Variants in SLC2A11 observed in about 807,000 individuals in gnomAD.
SLC2A11 encodes the protein solute carrier family 2 member 11, also known as solute carrier family 2, facilitated glucose transporter member 11.
Under a neutral mutation model 52.1 loss-of-function variants are expected in SLC2A11, and 43 were observed. That is an observed-to-expected ratio of 0.82 (90% CI 0.65 to 1.06). The LOEUF is 1.06. Ranked by LOEUF, SLC2A11 falls within the 50% of genes least tolerant of loss-of-function variation. The probability of loss-of-function intolerance (pLI) is 0.00; values close to 1 mark genes in which losing one functional copy is unlikely to be tolerated. For missense variants in SLC2A11, 582 were observed against 654.2 expected, an observed-to-expected ratio of 0.89 and a Z score of 1.20; for synonymous variants, 261 against 277.6, an observed-to-expected ratio of 0.94 and a Z score of 0.59.
chr22:23,877,987 G>A, intron 6 of SLC2A11, 118 bp downstream of exon 6: 1 of 1,268,070 alleles, frequency 7.9e-7, no homozygotes, highest in Non-Finnish European at 1.1e-6. Flanking sequence ...CCCTCTCTTT[G>A]TGCCTCAATT....
At chr22:23,857,838 T>TGCTCCTCTCAAACGCTCACTGC (rs1332004078), upstream of SLC2A11, 1 of 1,495,736 alleles carries the variant, frequency 6.7e-7, no homozygotes, top group East Asian at 2.5e-5. Context: ...TCGACGGGTT[T>TGCTCCTCTCAAACGCTCACTGC]GCTCCTCTCA....
chr22:23,869,721 T>C (rs1057167396), intron 3 of SLC2A11: 2 of 415,328 alleles, frequency 4.8e-6, no homozygotes, highest in Non-Finnish European at 8.5e-6. Context: ...CTGGATAATG[T>C]ATAAAGAACA....
chr22:23,857,825 G>A, upstream of SLC2A11: 2 of 1,476,126 alleles, frequency 1.4e-6, no homozygotes, highest in Non-Finnish European at 1.8e-6. Flanking sequence ...CTACAGCTTC[G>A]TCTCGACGGG....
intron 1 of SLC2A11, among the ~76,000 whole-genome samples, chr22:23,860,312 G>T (rs2032004303): frequency 6.6e-6 from 1 of 152,164 alleles, no homozygotes; most frequent in South Asian, 2.1e-4. Context: ...TACTTGGGGG[G>T]CTGAGGTGGG....
At position 23,885,194 on chromosome 22, in the gene SLC2A11, A is replaced by G; in HGVS notation, c.*345A>G. On this transcript the variant is annotated 3_prime_UTR_variant, in exon 12 of 12. Coordinates refer to ENST00000316185, the MANE Select transcript of SLC2A11 (RefSeq NM_001024939.4). The stretch of plus-strand genomic sequence containing the variant: ...TAGTGAGACCCCCTATCTCTACAAA[A>G]AATTTTAAACATTAGCTGGGCATGG... 2 of 432,730 alleles carry G rather than the reference A, an allele frequency of 4.6e-6. No homozygotes were observed. Among genetic ancestry groups the G allele is most frequent in the South Asian group, 1.2e-4 (2 of 16,424 alleles). The allele number at this position is 432,730 out of a possible 1,614,324, so 26.8% of individuals were successfully genotyped here.
intron 2 of SLC2A11, chr22:23,862,417 A>C: frequency 3.8e-6 from 2 of 526,550 alleles, no homozygotes; most frequent in Non-Finnish European, 6.8e-6. Flanking sequence ...TCAGCAGATG[A>C]CTCCATCTTC....
At chr22:23,871,460 C>T (rs2032453863) in intron 3 of SLC2A11, 1 of 150,118 alleles carries the variant, frequency 6.7e-6, no homozygotes, top group Admixed American at 6.7e-5. Flanking sequence ...CCATGCTAGA[C>T]CAGGAACGGT....
intron 3 of SLC2A11, chr22:23,869,938 C>T: frequency 1.4e-6 from 1 of 714,202 alleles, no homozygotes; most frequent in South Asian, 1.5e-5. Flanking sequence ...TAGTTCCCTC[C>T]AGCCCTTTTA....
At chr22:23,856,995 G>A (rs755247692), upstream of SLC2A11, 3 of 1,609,590 alleles carry the variant, frequency 1.9e-6, no homozygotes, top group South Asian at 3.3e-5. Context: ...AAGACTGGTG[G>A]GTCTATCTTT....
chr22:23,868,873 A>T (rs769456183), intron 3 of SLC2A11: 1 of 498,760 alleles, frequency 2.0e-6, no homozygotes, highest in African/African-American at 1.9e-5. Context: ...TTCTAATTTC[A>T]TGTCTGCCAA....
Position 23,857,986 on chromosome 22 carries a change from G to T in SLC2A11, c.-14G>T. On this transcript the variant is annotated 5_prime_UTR_variant, in exon 1 of 12. In the 5' UTR this introduces an upstream ATG that the reference lacks. Transcript: ENST00000316185. ...CCTGGGACAGCAAGACCTCCGCTCAGGCCCCTCTTTCGAATGCTCCACGCC... is the reference window on the plus strand; with the variant it reads ...CCTGGGACAGCAAGACCTCCGCTCATGCCCCTCTTTCGAATGCTCCACGCC... 2 of 1,592,100 alleles carry T rather than the reference G, an allele frequency of 1.3e-6. No individual in the cohort carries two copies. Among genetic ancestry groups the T allele is most frequent in the Non-Finnish European group, 1.7e-6 (2 of 1,170,400 alleles).
rs2032976966 is a variant in SLC2A11 at position 23,885,707 on chromosome 22, A to G, written c.*858A>G. ...GACAACAGAAAGAGACCATGTTTCA[A>G]AAAAAATAAATACAGGTTGTAGTGG... On this transcript the variant is annotated 3_prime_UTR_variant, in exon 12 of 12. Coordinates refer to ENST00000316185, the MANE Select transcript of SLC2A11 (RefSeq NM_001024939.4). The G allele has an allele frequency of 1.3e-5, 2 of 152,022 alleles. No homozygotes were observed. Among genetic ancestry groups the G allele is most frequent in the Admixed American group, 1.3e-4 (2 of 15,252 alleles). The allele number at this position is 152,022 out of a possible 1,614,324, so 9.4% of individuals were successfully genotyped here. A position where few individuals can be genotyped will look rare whatever the true frequency, so the allele number is the denominator to read the frequency against.
At chr22:23,878,232 G>A (rs913032786) in intron 6 of SLC2A11, among the ~76,000 whole-genome samples, 1 of 152,110 alleles carries the variant, frequency 6.6e-6, no homozygotes, top group Non-Finnish European at 1.5e-5. Context: ...GAATGCCTAA[G>A]GAACAATCGC....
intron 3 of SLC2A11, chr22:23,872,565 T>G (rs2032490740): frequency 1.3e-5 from 2 of 152,188 alleles, no homozygotes; most frequent in African/African-American, 4.8e-5. Flanking sequence ...GCGATGTGAA[T>G]TTGGCTTCGA....
chr22:23,863,608 GTTTTTTTTTTTTTTT>G (rs71184923), intron 2 of SLC2A11, among the ~76,000 whole-genome samples: 16 of 86,784 alleles, frequency 1.8e-4, no homozygotes, highest in Non-Finnish European at 3.1e-4. Context: ...TCTCTCTCTG[GTTTTTTTTTTTTTTT>G]TTTTTTTTTT....
intron 6 of SLC2A11, 144 bp downstream of exon 6, chr22:23,878,013 A>G: frequency 9.6e-7 from 1 of 1,042,822 alleles, no homozygotes; most frequent in Non-Finnish European, 1.4e-6. Flanking sequence ...ATCTGCCTAT[A>G]CCTGCCTTCA....
At chr22:23,882,932 A>T (rs2032878918) in intron 8 of SLC2A11, 63 bp downstream of exon 8, 1 of 1,419,258 alleles carries the variant, frequency 7.0e-7, no homozygotes, top group African/African-American at 1.4e-5. Context: ...GGTCCTCTGC[A>T]TTAAACCAGT....
chr22:23,882,841 G>T lies in SLC2A11; in HGVS notation c.965G>T (p.Ser322Ile). Residue 322 changes from serine (S) to isoleucine (I), a missense_variant, in exon 8 of 12, where the codon AGC (serine) becomes ATC (isoleucine). Physicochemically the swap from Ser to Ile is moderately radical, Grantham distance 142. Transcript: ENST00000316185. Reference sequence around the variant, plus strand: ...CAGTACGCGATCATCGGGACTGGGAGCTGCGAGCTGCTCACGGCGGTTGTT... The same window carrying T: ...CAGTACGCGATCATCGGGACTGGGATCTGCGAGCTGCTCACGGCGGTTGTT... ...KIQYAIIGTGSCELLTAVVSC... is the reference protein window; with the variant it reads ...KIQYAIIGTGICELLTAVVSC... 1 of 1,613,450 alleles carries T rather than the reference G, an allele frequency of 6.2e-7. No individual in the cohort carries two copies. Among genetic ancestry groups the T allele is most frequent in the Non-Finnish European group, 8.5e-7 (1 of 1,179,706 alleles).
intron 1 of SLC2A11, among the ~76,000 whole-genome samples, chr22:23,858,384 C>A (rs550383417): frequency 1.3e-5 from 2 of 151,910 alleles, no homozygotes; most frequent in African/African-American, 4.8e-5. Flanking sequence ...CCGCCTCTTT[C>A]CTCCTCATGC....
Sources: allele counts gnomAD v4.1 joint callset (sites outside exome capture counted in the v4.1 genomes callset), GRCh38; gene constraint gnomAD v4.1.1; transcripts MANE v1.5; gene names NCBI Gene and HGNC (gene_info 2026-07-23, HGNC 2026-07-21).